Variants in DPP6 observed in about 807,000 individuals in gnomAD.
DPP6 encodes the protein dipeptidyl peptidase like 6.
In DPP6, 69 loss-of-function variants were observed where a neutral mutation model predicts 122.6. The ratio of observed to expected loss-of-function variants is 0.56; its 90% CI spans 0.46 to 0.69. The LOEUF (loss-of-function observed/expected upper bound fraction) is 0.69, where lower values mean the gene tolerates loss of function less well. Among genes scored for constraint, DPP6 ranks in the 30% least tolerant of loss-of-function variants. The pLI is 0.00. For missense variants in DPP6, 928 were observed against 1,116.9 expected (o/e 0.83, Z 2.41); for synonymous variants, 418 against 433.1 (o/e 0.97, Z 0.43).
At chr7:154,042,966 G>A (rs1438041449) in intron 1 of DPP6, among the ~76,000 whole-genome samples, 1 of 152,186 alleles carries the variant, frequency 6.6e-6, no homozygotes, top group African/African-American at 2.4e-5. Context: ...CATGGAGACT[G>A]TTTTTAGTCA....
intron 1 of DPP6, among the ~76,000 whole-genome samples, chr7:154,263,990 C>G (rs938408013): frequency 2.0e-5 from 3 of 152,166 alleles, no homozygotes; most frequent in African/African-American, 7.2e-5. Context: ...TGCACCCAAC[C>G]TTGTTATGTT....
chr7:154,621,045 A>G (rs1263994349), intron 5 of DPP6, among the ~76,000 whole-genome samples: 5 of 152,236 alleles, frequency 3.3e-5, no homozygotes, highest in Admixed American at 1.3e-4. Context: ...TTTAGAACTC[A>G]GAGCTGAAAC....
chr7:153,989,459 C>T (rs1431953853), intron 1 of DPP6, among the ~76,000 whole-genome samples: 3 of 151,516 alleles, frequency 2.0e-5, no homozygotes, highest in Non-Finnish European at 4.4e-5. Context: ...GCTCGGAGGT[C>T]CTCCTGGGCT....
chr7:154,649,314 G>A (rs1172409996), intron 6 of DPP6, among the ~76,000 whole-genome samples: 1 of 152,044 alleles, frequency 6.6e-6, no homozygotes, highest in African/African-American at 2.4e-5. Flanking sequence ...TTCTAATTCG[G>A]GGCTAGTATG....
At position 154,202,585 on chromosome 7, in the gene DPP6, A is replaced by C. The variant is rs1344176853; in HGVS notation, c.243+149522A>C. 3.3e-5 allele frequency among the ~76,000 whole-genome samples: 5 copies of C among 151,970 alleles called. No individual in the cohort carries two copies. The South Asian group carries it at 1.0e-3, about 32-fold the overall frequency. ...TCCTCCATCCTTCTGCCCCTTTCCG[A>C]GCAGCTTCCTTCAGGGCTCACCCAC... On this transcript the variant is annotated intron_variant, in intron 1 of 25. Coordinates refer to ENST00000377770, the MANE Select transcript of DPP6 (RefSeq NM_130797.4).
rs143944650 is a variant in DPP6 at position 154,324,867 on chromosome 7, A to ATTTTTTTTTTTTTTTTTTTT, written c.244-121331_244-121330insTTTTTTTTTTTTTTTTTTTT. ...TCTTTCTTTCTTCTTTCCTTTTGTT[A>ATTTTTTTTTTTTTTTTTTTT]TTTTTTTTTTTTTTTTGAGTCTTGC... On this transcript the variant is annotated intron_variant, in intron 1 of 25. Transcript: ENST00000377770. Among the ~76,000 whole-genome samples the ATTTTTTTTTTTTTTTTTTTT allele has an allele frequency of 3.5e-5, 4 of 113,066 alleles. 1 individual carries two copies. The highest frequency in any genetic ancestry group is 6.8e-5 in the African/African-American group (2 of 29,586). The allele number at this position is 113,066 out of a possible 152,430, so 74.2% of individuals were successfully genotyped here.
At chr7:154,740,030 T>A (rs1188954837) in intron 8 of DPP6, among the ~76,000 whole-genome samples, 1 of 152,170 alleles carries the variant, frequency 6.6e-6, no homozygotes, top group African/African-American at 2.4e-5. Flanking sequence ...TTGTGAAAAA[T>A]CAGTAATAAA....
the DPP6 span, among the ~76,000 whole-genome samples, chr7:153,786,383 C>A: frequency 1.3e-5 from 2 of 151,028 alleles, no homozygotes; most frequent in African/African-American, 4.9e-5. Context: ...AACAATACTT[C>A]AGGTGACAAG....
intron 1 of DPP6, among the ~76,000 whole-genome samples, chr7:154,237,088 GCGTGA>G (rs1167673315): frequency 6.6e-6 from 1 of 152,172 alleles, no homozygotes; most frequent in African/African-American, 2.4e-5. Context: ...TTACGACTGG[GCGTGA>G]GGGAAGGCCC....
the DPP6 span, among the ~76,000 whole-genome samples, chr7:153,749,854 AT>A: frequency 1.3e-5 from 2 of 152,230 alleles, no homozygotes; most frequent in African/African-American, 2.4e-5. The surrounding 1 kb of genome is among the most constrained non-coding windows in gnomAD (Gnocchi z 4.1). Flanking sequence ...GAATATTTAT[AT>A]ATTTTTTTAA....
intron 8 of DPP6, among the ~76,000 whole-genome samples, chr7:154,737,811 T>C (rs1842638999): frequency 6.6e-6 from 1 of 152,246 alleles, no homozygotes; most frequent in Admixed American, 6.5e-5. Flanking sequence ...GTGTGTCTCA[T>C]GGCACAGATT....
chr7:154,056,428 A>G (rs1800824433), intron 1 of DPP6, among the ~76,000 whole-genome samples: 2 of 152,194 alleles, frequency 1.3e-5, no homozygotes, highest in South Asian at 4.1e-4. Context: ...ATTTGGATTA[A>G]CTGTGGCTAA....
chr7:153,883,581 T>C (rs1263520731), upstream of DPP6, among the ~76,000 whole-genome samples: 1 of 152,190 alleles, frequency 6.6e-6, no homozygotes, highest in African/African-American at 2.4e-5. Context: ...GATTTTACCA[T>C]GTTGGCCAGG....
intron 1 of DPP6, among the ~76,000 whole-genome samples, chr7:154,428,999 A>G (rs1047179825): frequency 2.0e-5 from 3 of 152,190 alleles, no homozygotes; most frequent in African/African-American, 7.2e-5. Flanking sequence ...AAGCTATTAA[A>G]ATAAAATAAA....
In DPP6 at chr7:154,376,396, A is replaced by G. The variant is rs1213365768; in HGVS notation, c.244-69818A>G. 3.3e-5 allele frequency among the ~76,000 whole-genome samples: 5 copies of G among 152,156 alleles called. No homozygotes were observed. The East Asian group carries it at 9.6e-4, about 29-fold the overall frequency. On this transcript the variant is annotated intron_variant, in intron 1 of 25. Coordinates refer to ENST00000377770, the MANE Select transcript of DPP6 (RefSeq NM_130797.4). ...GACTCCCAGTAAGTGCCATTTTCCT[A>G]CCCCTGTGTTTTAACAAGTATTCCT...
Position 154,893,868 on chromosome 7 carries a change from G to A in DPP6, c.*1388G>A, listed in dbSNP as rs550793465. The A allele has an allele frequency of 3.9e-5, 6 of 152,306 alleles. No homozygotes were observed. Among genetic ancestry groups the A allele is most frequent in the Admixed American group, 6.5e-5 (1 of 15,294 alleles). The allele number at this position is 152,306 out of a possible 1,614,324, so 9.4% of individuals were successfully genotyped here. ...ATCCATTACTGTCATTTCCTTTTGA[G>A]CTTGTGGACAAGCTGAATGTCAGGA... On this transcript the variant is annotated 3_prime_UTR_variant, in exon 26 of 26. Coordinates refer to ENST00000377770, the MANE Select transcript of DPP6 (RefSeq NM_130797.4).
At chr7:154,109,582 G>A (rs766990940) in intron 1 of DPP6, among the ~76,000 whole-genome samples, 5 of 152,176 alleles carry the variant, frequency 3.3e-5, no homozygotes, top group African/African-American at 4.8e-5. Context: ...GTGAGCCACC[G>A]CGCCTGGCCG....
intron 1 of DPP6, among the ~76,000 whole-genome samples, chr7:154,373,486 C>T (rs1812851414): frequency 6.6e-6 from 1 of 152,224 alleles, no homozygotes; most frequent in Non-Finnish European, 1.5e-5. Flanking sequence ...GCTCCCTCCT[C>T]AGTGTGGGCT....
the DPP6 span, among the ~76,000 whole-genome samples, chr7:153,750,308 T>G: frequency 6.6e-6 from 1 of 151,740 alleles, no homozygotes. Flanking sequence ...TAGTTATATG[T>G]TTCACATTTA....
Sources: gnomAD v4.1 joint callset for allele counts (sites outside exome capture counted in the v4.1 genomes callset) on GRCh38, gnomAD v4.1.1 for gene constraint, Gnocchi (gnomAD v3.1) non-coding constraint, MANE v1.5 for transcripts, NCBI Gene and HGNC (gene_info 2026-07-23, HGNC 2026-07-21) for gene names.